The following NDUFAF6 variants were observed in gnomAD, a reference collection of about 807,000 sequenced individuals.
NDUFAF6 encodes NADH dehydrogenase (ubiquinone) complex I, assembly factor 6.
Under a neutral mutation model 40.8 loss-of-function variants are expected in NDUFAF6, and 45 were observed. The ratio of observed to expected loss-of-function variants is 1.10; its 90% CI spans 0.87 to 1.42. NDUFAF6 has a LOEUF of 1.42. Among genes scored for constraint, NDUFAF6 ranks in the 40% most tolerant of loss-of-function variants. NDUFAF6 has a pLI of 0.00. For missense variants in NDUFAF6, 435 were observed against 418.5 expected (o/e 1.04, Z -0.34); for synonymous variants, 185 against 155.9 (o/e 1.19, Z -1.39).
chr8:95,001,543 G>A (rs1826734871), intron 2 of NDUFAF6, among the ~76,000 whole-genome samples: 1 of 152,088 alleles, frequency 6.6e-6, no homozygotes, highest in Admixed American at 6.6e-5. Flanking sequence ...AAAGCTTCCA[G>A]GTAACTGAGG....
upstream of NDUFAF6, among the ~76,000 whole-genome samples, chr8:94,954,908 G>A (rs760299083): frequency 1.3e-5 from 2 of 152,178 alleles, no homozygotes; most frequent in South Asian, 4.1e-4. Context: ...GAACTAAATT[G>A]TAGAGCCCTG....
rs760641384 is a variant in NDUFAF6, at chr8:95,025,062, C to T, written c.54C>T (p.Pro18=). The T allele has an allele frequency of 1.1e-5, 16 of 1,430,400 alleles. No homozygotes were observed. In the East Asian group the frequency reaches 1.8e-4, roughly 16 times the overall value. The allele number at this position is 1,430,400 out of a possible 1,614,324, so 88.6% of individuals were successfully genotyped here. ...SVWGPLRLGI[P]GLCCRRPPLG... is the part of the protein sequence containing the mutation. ...GGGGGCCGTTGCGGCTTGGCATCCC[C>T]GGCCTGTGCTGCCGCCGGCCGCCTC... Residue 18 remains proline, a synonymous_variant, in exon 1 of 9, where the codon CCC becomes CCT. Coordinates refer to ENST00000396124, the MANE Select transcript of NDUFAF6 (RefSeq NM_152416.4).
chr8:94,990,907 C>T (rs1586918810), intron 2 of NDUFAF6, among the ~76,000 whole-genome samples: 1 of 152,290 alleles, frequency 6.6e-6, no homozygotes, highest in East Asian at 1.9e-4. Flanking sequence ...GACAATAAGC[C>T]CTTCCTATGC....
At position 95,005,544 on chromosome 8, in the gene NDUFAF6, TATATATATAA is replaced by T. The variant is rs1456758956; in HGVS notation, c.-84+24573_-84+24582del. On this transcript the variant is annotated intron_variant, in intron 2 of 9. Transcript: ENST00000396111. ...CCTTTTAAATATATATATATATATA[TATATATATAA>T]AAAATATATTAACATAAATAATATA... Among the ~76,000 whole-genome samples, 1,107 of 136,834 alleles carry T rather than the reference TATATATATAA, an allele frequency of 8.1e-3. 75 individuals are homozygous for T. The highest frequency in any genetic ancestry group is 0.029 in the African/African-American group (1,054 of 36,300). The allele number at this position is 136,834 out of a possible 152,430, so 89.8% of individuals were successfully genotyped here. A position where few individuals can be genotyped will look rare whatever the true frequency, so the allele number is the denominator to read the frequency against.
intron 1 of NDUFAF6, among the ~76,000 whole-genome samples, chr8:94,962,778 A>G (rs1823695443): frequency 7.0e-6 from 1 of 143,764 alleles, no homozygotes; most frequent in East Asian, 2.1e-4. Flanking sequence ...CTGGCCTCCA[A>G]ACTCCTTTTT....
upstream of NDUFAF6, among the ~76,000 whole-genome samples, chr8:94,957,381 T>G (rs375509249): frequency 4.6e-5 from 7 of 152,214 alleles, no homozygotes; most frequent in East Asian, 3.9e-4. Context: ...GGAGAGATTA[T>G]GGACAGAGGA....
intron 2 of NDUFAF6, among the ~76,000 whole-genome samples, chr8:95,083,853 G>A (rs1034567298): frequency 2.0e-5 from 3 of 152,190 alleles, no homozygotes; most frequent in South Asian, 2.1e-4. Context: ...ACCATGTTTC[G>A]TTACCTACAT....
chr8:95,057,970 CTA>C lies in NDUFAF6; in HGVS notation c.*35_*36del. On this transcript the variant is annotated 3_prime_UTR_variant, in exon 9 of 9. Transcript: ENST00000396124. ...TCATGGCATTGATGTTAATTCTAGT[CTA>C]TTAGTTTTATAAAAGTTAGGATTCT... 2 of 1,503,656 alleles carry C rather than the reference CTA, an allele frequency of 1.3e-6. No homozygotes were observed. Among genetic ancestry groups the C allele is most frequent in the Non-Finnish European group, 9.2e-7 (1 of 1,088,066 alleles). 93.1% of individuals were successfully genotyped at this position (1,503,656 alleles called of 1,614,324 possible). A position where few individuals can be genotyped will look rare whatever the true frequency, so the allele number is the denominator to read the frequency against.
intron 1 of NDUFAF6, among the ~76,000 whole-genome samples, chr8:94,923,044 G>A (rs1255669548): frequency 6.6e-6 from 1 of 152,146 alleles, no homozygotes; most frequent in African/African-American, 2.4e-5. Flanking sequence ...ACTTGTAGTT[G>A]GAGGTTAGCA....
At chr8:95,100,284 A>G (rs1294032641), upstream of NDUFAF6, 1 of 152,136 alleles carries the variant, frequency 6.6e-6, no homozygotes, top group East Asian at 1.9e-4. Context: ...AATTAAATAA[A>G]TAGAACAACA....
At chr8:95,055,510 A>G (rs1007322042) in intron 8 of NDUFAF6, among the ~76,000 whole-genome samples, 6 of 152,194 alleles carry the variant, frequency 3.9e-5, no homozygotes, top group African/African-American at 1.4e-4. Context: ...TTATGTGTCT[A>G]TACCTTAATT....
upstream of NDUFAF6, among the ~76,000 whole-genome samples, chr8:95,096,428 C>A (rs779827448): frequency 6.6e-6 from 1 of 152,150 alleles, no homozygotes; most frequent in African/African-American, 2.4e-5. Flanking sequence ...AAAGCACCTT[C>A]GGGTTTTGTA....
intron 8 of NDUFAF6, among the ~76,000 whole-genome samples, chr8:95,055,875 A>C (rs1168232836): frequency 6.6e-6 from 1 of 152,270 alleles, no homozygotes; most frequent in African/African-American, 2.4e-5. Flanking sequence ...GCCAGGAACT[A>C]GTCTGTCACC....
intron 1 of NDUFAF6, among the ~76,000 whole-genome samples, chr8:94,933,838 G>T (rs1248136326): frequency 2.7e-5 from 4 of 148,482 alleles, no homozygotes; most frequent in East Asian, 2.0e-4. Context: ...ACTTTGTGGG[G>T]GGGGGGGGAG....
chr8:95,111,551 A>T (rs1809998857), intron 4 of NDUFAF6, among the ~76,000 whole-genome samples: 2 of 152,144 alleles, frequency 1.3e-5, no homozygotes, highest in Admixed American at 1.3e-4. Flanking sequence ...TGTTCTTGAG[A>T]TGGTTCCAAC....
At chr8:94,895,830 C>T (rs1817492340) in exon 1 of NDUFAF6, 1 of 152,518 alleles carries the variant, frequency 6.6e-6, no homozygotes, top group African/African-American at 2.4e-5. Context: ...CCAAGTGCGG[C>T]TCTGCTCTCC....
intron 2 of NDUFAF6, among the ~76,000 whole-genome samples, chr8:94,983,856 T>A (rs1347126224): frequency 3.9e-5 from 6 of 152,166 alleles, no homozygotes; most frequent in Non-Finnish European, 7.4e-5. Context: ...CAAGGGGCAC[T>A]TATTAAAGTA....
intron 1 of NDUFAF6, among the ~76,000 whole-genome samples, chr8:94,910,039 T>C (rs1392695697): frequency 6.6e-6 from 1 of 152,028 alleles, no homozygotes; most frequent in Non-Finnish European, 1.5e-5. Context: ...CTTCATTTTT[T>C]TTTCCTTCTC....
At chr8:94,925,778 G>C (rs573248953) in intron 1 of NDUFAF6, among the ~76,000 whole-genome samples, 1 of 152,116 alleles carries the variant, frequency 6.6e-6, no homozygotes, top group Non-Finnish European at 1.5e-5. Flanking sequence ...GGCCTCAAGC[G>C]ATGTGCCTGC....
Sources: allele counts gnomAD v4.1 joint callset (sites outside exome capture counted in the v4.1 genomes callset), GRCh38; gene constraint gnomAD v4.1.1; transcripts MANE v1.5; gene names NCBI Gene and HGNC (gene_info 2026-07-23, HGNC 2026-07-21).